ITGBL1: variants seen among roughly 807,000 people sequenced by gnomAD.
ITGBL1 encodes integrin subunit beta like 1, also known as integrin beta-like protein 1.
In ITGBL1, 51 loss-of-function variants were observed where a neutral mutation model predicts 68.5. That is an observed-to-expected ratio of 0.74 (90% CI 0.59 to 0.94). The LOEUF is 0.94. ITGBL1 is among the 40% of genes least tolerant of loss of function. The pLI, the probability that ITGBL1 is intolerant of heterozygous loss-of-function variation, is 0.00. For missense variants in ITGBL1, 649 were observed against 647.4 expected (o/e 1.00, Z -0.03); for synonymous variants, 209 against 227.3 (o/e 0.92, Z 0.72).
chr13:101,550,478 T>C (rs1292987440), intron 2 of ITGBL1, among the ~76,000 whole-genome samples: 1 of 152,144 alleles, frequency 6.6e-6, no homozygotes, highest in Non-Finnish European at 1.5e-5. Flanking sequence ...GATAACTATC[T>C]CAAATTGATA....
At chr13:101,682,806 G>A (rs1207494255) in intron 7 of ITGBL1, among the ~76,000 whole-genome samples, 2 of 151,740 alleles carry the variant, frequency 1.3e-5, no homozygotes, top group East Asian at 1.9e-4. Flanking sequence ...ATTGAATATT[G>A]AATATTTTAT....
intron 7 of ITGBL1, among the ~76,000 whole-genome samples, chr13:101,653,610 G>A (rs1381674345): frequency 6.6e-6 from 1 of 152,120 alleles, no homozygotes; most frequent in Non-Finnish European, 1.5e-5. Context: ...CATGTAAATA[G>A]GCAGCAAGAC....
intron 5 of ITGBL1, 84 bp downstream of exon 5, chr13:101,579,511 C>CCCACACTAGAGGAAA: frequency 7.1e-7 from 1 of 1,403,572 alleles, no homozygotes; most frequent in Non-Finnish European, 9.7e-7. Context: ...TGTATTTCCT[C>CCCACACTAGAGGAAA]TAGTGTGGGA....
intron 2 of ITGBL1, among the ~76,000 whole-genome samples, chr13:101,463,105 G>A (rs77138036): frequency 2.7e-3 from 405 of 152,202 alleles, no homozygotes; most frequent in African/African-American, 9.2e-3. Context: ...AAACACATAT[G>A]AGTGATTAAT....
intron 7 of ITGBL1, among the ~76,000 whole-genome samples, chr13:101,612,177 A>G (rs2031161192): frequency 6.6e-6 from 1 of 152,210 alleles, no homozygotes; most frequent in East Asian, 1.9e-4. Context: ...GGCCTCTTTG[A>G]TGCTCAAAAT....
intron 7 of ITGBL1, among the ~76,000 whole-genome samples, chr13:101,638,709 C>G (rs1002866369): frequency 5.3e-5 from 8 of 152,202 alleles, no homozygotes; most frequent in Middle Eastern, 3.4e-3. Flanking sequence ...GAAACCACCC[C>G]CATGATTCAA....
At position 101,616,202 on chromosome 13, in the gene ITGBL1, C is replaced by G. The variant is rs182898672; in HGVS notation, c.1015+17903C>G. Among the ~76,000 whole-genome samples, 33 of 152,230 alleles carry G rather than the reference C, an allele frequency of 2.2e-4. 1 individual carries two copies. Among genetic ancestry groups the G allele is most frequent in the South Asian group, 2.1e-3 (10 of 4,824 alleles). ...GGTCTTGAATGGTCAGAAGTTTGCTCCTGGAGAAAGGGGGAAGAATATGTC... is the reference window on the plus strand; with the variant it reads ...GGTCTTGAATGGTCAGAAGTTTGCTGCTGGAGAAAGGGGGAAGAATATGTC... On this transcript the variant is annotated intron_variant, in intron 7 of 10. Coordinates refer to ENST00000376180, the MANE Select transcript of ITGBL1 (RefSeq NM_004791.3).
intron 2 of ITGBL1, among the ~76,000 whole-genome samples, chr13:101,462,148 G>T (rs1307674695): frequency 1.3e-5 from 2 of 152,138 alleles, no homozygotes; most frequent in East Asian, 1.9e-4. Flanking sequence ...ACTGGAAACA[G>T]GTTGTGAGAC....
intron 7 of ITGBL1, among the ~76,000 whole-genome samples, chr13:101,623,175 T>C (rs1279051974): frequency 6.6e-6 from 1 of 152,070 alleles, no homozygotes; most frequent in African/African-American, 2.4e-5. Flanking sequence ...AAAAATAATT[T>C]ACTACAAATT....
chr13:101,530,974 G>A (rs2139159083), intron 2 of ITGBL1, among the ~76,000 whole-genome samples: 1 of 152,212 alleles, frequency 6.6e-6, no homozygotes, highest in East Asian at 1.9e-4. Flanking sequence ...ATGTTCGAAA[G>A]TCCATGGAGG....
intron 2 of ITGBL1, among the ~76,000 whole-genome samples, chr13:101,489,139 T>C (rs2048740553): frequency 6.6e-6 from 1 of 152,210 alleles, no homozygotes; most frequent in African/African-American, 2.4e-5. Context: ...TACTCTGTTT[T>C]AAAATGTGTT....
intron 2 of ITGBL1, among the ~76,000 whole-genome samples, chr13:101,562,396 A>C (rs1009824971): frequency 1.3e-5 from 2 of 151,986 alleles, no homozygotes; most frequent in African/African-American, 4.8e-5. Context: ...AAAGATAGAG[A>C]TTGTCAGATT....
At chr13:101,687,515 A>G (rs2033782368) in intron 7 of ITGBL1, among the ~76,000 whole-genome samples, 1 of 152,064 alleles carries the variant, frequency 6.6e-6, no homozygotes, top group Non-Finnish European at 1.5e-5. Context: ...ACACAAGTTC[A>G]GAGTCTGAAC....
At chr13:101,545,961 A>T (rs1041158976) in intron 2 of ITGBL1, among the ~76,000 whole-genome samples, 2 of 152,236 alleles carry the variant, frequency 1.3e-5, no homozygotes, top group African/African-American at 4.8e-5. Flanking sequence ...ATAATTTTTT[A>T]AAATAATCAT....
intron 6 of ITGBL1, among the ~76,000 whole-genome samples, chr13:101,594,296 A>T (rs2050706158): frequency 6.6e-6 from 1 of 152,192 alleles, no homozygotes; most frequent in Non-Finnish European, 1.5e-5. Context: ...TAGCCAATTG[A>T]CTTTAAACAA....
chr13:101,526,645 A>C (rs949636853), intron 2 of ITGBL1, among the ~76,000 whole-genome samples: 3 of 143,204 alleles, frequency 2.1e-5, no homozygotes, highest in African/African-American at 7.8e-5. Flanking sequence ...CTGAAAAATC[A>C]GCATTGAAGT....
rs2148168 is a variant in ITGBL1 at position 101,571,602 on chromosome 13, C to A, written c.463+3757C>A. Among the ~76,000 whole-genome samples, 940 of 152,050 alleles carry A rather than the reference C, an allele frequency of 6.2e-3. 9 individuals carry two copies. Among genetic ancestry groups the A allele is most frequent in the Non-Finnish European group, 6.6e-3 (447 of 67,970 alleles). On this transcript the variant is annotated intron_variant, in intron 3 of 10. Transcript: ENST00000376180. ...AGAATCATCCCTCTCTTCCTCAAACCTTGCACCCTGCTTACCCTCACCTTA... is the reference window on the plus strand; with the variant it reads ...AGAATCATCCCTCTCTTCCTCAAACATTGCACCCTGCTTACCCTCACCTTA...
At chr13:101,497,828 G>T (rs951042824) in intron 2 of ITGBL1, among the ~76,000 whole-genome samples, 1 of 151,462 alleles carries the variant, frequency 6.6e-6, no homozygotes, top group Non-Finnish European at 1.5e-5. Context: ...CAAATATTTT[G>T]TCTCTTCTCA....
intron 2 of ITGBL1, among the ~76,000 whole-genome samples, chr13:101,477,754 A>G (rs2048558679): frequency 6.6e-6 from 1 of 152,008 alleles, no homozygotes; most frequent in Non-Finnish European, 1.5e-5. Flanking sequence ...GACACATACA[A>G]CCTATCAAGA....
Sources: allele counts gnomAD v4.1 joint callset (sites outside exome capture counted in the v4.1 genomes callset), GRCh38; gene constraint gnomAD v4.1.1; transcripts MANE v1.5; gene names NCBI Gene and HGNC (gene_info 2026-07-23, HGNC 2026-07-21).